Variants in INTS7 observed in about 807,000 individuals in gnomAD.
INTS7 encodes the protein chromosome 1 open reading frame 73.
INTS7 carries 46 observed loss-of-function variants against 109.2 expected under a neutral mutation model. That is an observed-to-expected ratio of 0.42 (90% CI 0.33 to 0.54). The LOEUF is 0.54. Among genes scored for constraint, INTS7 ranks in the 20% least tolerant of loss-of-function variants. The probability of loss-of-function intolerance (pLI) is 0.07; values close to 1 mark genes in which losing one functional copy is unlikely to be tolerated. For missense variants in INTS7, 929 were observed against 1,132.4 expected (o/e 0.82, Z 2.58); for synonymous variants, 412 against 402.9 (o/e 1.02, Z -0.27).
At chr1:212,018,900 C>T (rs1188212328) in intron 3 of INTS7, among the ~76,000 whole-genome samples, 1 of 152,070 alleles carries the variant, frequency 6.6e-6, no homozygotes, top group Non-Finnish European at 1.5e-5. Context: ...AAAAATGATT[C>T]ATTTAAAAAA....
intron 16 of INTS7, among the ~76,000 whole-genome samples, chr1:211,958,987 C>G: frequency 6.6e-6 from 1 of 152,078 alleles, no homozygotes; most frequent in South Asian, 2.1e-4. Flanking sequence ...TGGGAGGGAC[C>G]CCTGCATGGG....
intron 7 of INTS7, among the ~76,000 whole-genome samples, chr1:211,994,187 G>C (rs1665268622): frequency 6.6e-6 from 1 of 152,052 alleles, no homozygotes; most frequent in African/African-American, 2.4e-5. Context: ...AATAATGATG[G>C]AAGAAATAAG....
intron 7 of INTS7, among the ~76,000 whole-genome samples, chr1:212,004,921 C>T (rs61828532): frequency 0.24 from 36,615 of 152,062 alleles, 5,792 homozygotes; most frequent in Non-Finnish European, 0.35. Context: ...GATTAATGGA[C>T]GCCCTCATAC....
In INTS7 at chr1:211,959,737, C is replaced by G. The variant is rs935367156; in HGVS notation, c.2183+6693G>C. On this transcript the variant is annotated intron_variant, in intron 16 of 19. Transcript: ENST00000366994. The surrounding 1 kb of genome is among the most constrained non-coding windows in gnomAD (Gnocchi z 4.2). Reference sequence around the variant, plus strand: ...GAACAACAATGGACCTTCCCCTGCCCTAAGTGGCTACCTCCACCTACATAA... The same window carrying G: ...GAACAACAATGGACCTTCCCCTGCCGTAAGTGGCTACCTCCACCTACATAA... Among the ~76,000 whole-genome samples the G allele has an allele frequency of 2.0e-5, 3 of 152,216 alleles. No individual in the cohort carries two copies. The highest frequency in any genetic ancestry group is 7.2e-5 in the African/African-American group (3 of 41,452).
At chr1:212,007,925 G>A (rs1219368813) in intron 5 of INTS7, among the ~76,000 whole-genome samples, 1 of 152,148 alleles carries the variant, frequency 6.6e-6, no homozygotes, top group Non-Finnish European at 1.5e-5. Flanking sequence ...TGTAGTAAAT[G>A]CCTTTCTTTA....
rs1378329524 is a variant in INTS7 at position 211,954,172 on chromosome 1, G to A, written c.2184-1471C>T. 1.4e-4 allele frequency among the ~76,000 whole-genome samples: 22 copies of A among 152,294 alleles called. No homozygotes were observed. In the East Asian group the frequency reaches 3.7e-3, roughly 25 times the overall value. On this transcript the variant is annotated intron_variant, in intron 16 of 19. Transcript: ENST00000366994. Reference sequence around the variant, plus strand: ...CTAGTGATGGTGAGCATTTTTTCATGTGTTTTTTGGCTGCATAAATGTCTT... The same window carrying A: ...CTAGTGATGGTGAGCATTTTTTCATATGTTTTTTGGCTGCATAAATGTCTT...
chr1:211,998,338 A>G (rs1665504946), intron 7 of INTS7, among the ~76,000 whole-genome samples: 1 of 152,238 alleles, frequency 6.6e-6, no homozygotes, highest in Non-Finnish European at 1.5e-5. Context: ...GTTGCCATAA[A>G]ACGATGGTAA....
At chr1:212,015,086 T>G (rs1029730182) in intron 4 of INTS7, among the ~76,000 whole-genome samples, 1 of 139,516 alleles carries the variant, frequency 7.2e-6, no homozygotes, top group African/African-American at 3.2e-5. Context: ...ATCCGGGAGG[T>G]GGGGGGCGGC....
chr1:211,996,673 T>A (rs534637822), intron 7 of INTS7, among the ~76,000 whole-genome samples: 10 of 152,256 alleles, frequency 6.6e-5, no homozygotes, highest in African/African-American at 1.7e-4. Flanking sequence ...ATTAAGACCA[T>A]GAAATATTTA....
chr1:211,940,444 A>T lies in INTS7; in HGVS notation c.*1380T>A, dbSNP rs1031791234. 2.0e-5 allele frequency: 3 copies of T among 152,234 alleles called. No individual in the cohort carries two copies. The highest frequency in any genetic ancestry group is 3.8e-4 in the East Asian group (2 of 5,202). 9.4% of individuals were successfully genotyped at this position (152,234 alleles called of 1,614,324 possible). A position where few individuals can be genotyped will look rare whatever the true frequency, so the allele number is the denominator to read the frequency against. The stretch of plus-strand genomic sequence containing the variant: ...TTTATTTAAAAAGGAAATTCCAGGG[A>T]AAGTACCCTGCTTTACCTTAGGAGC... On this transcript the variant is annotated 3_prime_UTR_variant, in exon 20 of 20. Transcript: ENST00000366994.
chr1:212,028,956 C>T (rs1667041529), intron 1 of INTS7, among the ~76,000 whole-genome samples: 1 of 152,214 alleles, frequency 6.6e-6, no homozygotes, highest in Admixed American at 6.5e-5. Flanking sequence ...GTGCTAACCA[C>T]TATGCTAAAA....
At chr1:212,010,439 G>C (rs552326863) in intron 5 of INTS7, among the ~76,000 whole-genome samples, 1 of 152,272 alleles carries the variant, frequency 6.6e-6, no homozygotes, top group South Asian at 2.1e-4. Flanking sequence ...ATCTGGATTT[G>C]ATTCTAAATG....
chr1:211,990,079 G>A (rs142956760), intron 7 of INTS7, among the ~76,000 whole-genome samples: 35 of 152,148 alleles, frequency 2.3e-4, no homozygotes, highest in African/African-American at 8.2e-4. Flanking sequence ...TCTCTTTGGT[G>A]AGTCATTGGT....
intron 7 of INTS7, among the ~76,000 whole-genome samples, chr1:211,991,758 A>C (rs1054982794): frequency 6.6e-6 from 1 of 152,258 alleles, no homozygotes; most frequent in African/African-American, 2.4e-5. Context: ...AAGAAAGGCC[A>C]TAAGAATGAC....
rs530759661 is a variant in INTS7 at position 211,942,073 on chromosome 1, C to T, written c.2640G>A (p.Arg880=). 1 of 1,614,092 alleles carries T rather than the reference C, an allele frequency of 6.2e-7. No homozygotes were observed. Among genetic ancestry groups the T allele is most frequent in the East Asian group, 2.2e-5 (1 of 44,888 alleles). Residue 880 remains arginine (R), a synonymous_variant, in exon 20 of 20, where the codon AGG becomes AGA. Coordinates refer to ENST00000366994, the MANE Select transcript of INTS7 (RefSeq NM_015434.4). This position sits in a 1 kb window ranked among gnomAD's most constrained non-coding sequence, Gnocchi z 4.2. ...IDNMTNEMEQ[R]VEPHNDYFST... ...TGAAGTAATCATTATGAGGTTCAAC[C>T]CTTTGCTCCATCTCATTGGTCATGT...
rs545422466 is a variant in INTS7 at position 211,956,429 on chromosome 1, T to C, written c.2184-3728A>G. 1.2e-4 allele frequency among the ~76,000 whole-genome samples: 19 copies of C among 152,308 alleles called. 1 individual carries two copies. Among genetic ancestry groups the C allele is most frequent in the African/African-American group, 3.6e-4 (15 of 41,578 alleles). ...CCCTATTTAGTCTTAATGTATTATA[T>C]TTATATATATTGTTGGACTGAACTT... On this transcript the variant is annotated intron_variant, in intron 16 of 19. Coordinates refer to ENST00000366994, the MANE Select transcript of INTS7 (RefSeq NM_015434.4).
At position 212,019,979 on chromosome 1, in the gene INTS7, A is replaced by C. The variant is rs1666620089; in HGVS notation, c.371+143T>G. The stretch of plus-strand genomic sequence containing the variant: ...AAAGCATTTGCAGACTGGGATAGTT[A>C]TCACAGTTTTGCCTTGACTCTTAGT... On this transcript the variant is annotated intron_variant, in intron 3 of 19. Coordinates refer to ENST00000366994, the MANE Select transcript of INTS7 (RefSeq NM_015434.4). 7.6e-6 allele frequency: 4 copies of C among 528,466 alleles called. No individual in the cohort carries two copies. The Admixed American group carries it at 1.6e-4, about 21-fold the overall frequency. The allele number at this position is 528,466 out of a possible 1,614,324, so 32.7% of individuals were successfully genotyped here. A position where few individuals can be genotyped will look rare whatever the true frequency, so the allele number is the denominator to read the frequency against.
chr1:211,991,818 A>G (rs1180787252), intron 7 of INTS7, among the ~76,000 whole-genome samples: 1 of 152,214 alleles, frequency 6.6e-6, no homozygotes, highest in Non-Finnish European at 1.5e-5. Flanking sequence ...TGGAAGAAAA[A>G]GGGCAGTGAA....
In INTS7 at chr1:211,959,135, G is replaced by A. The variant is rs1413698615; in HGVS notation, c.2184-6434C>T. 1.3e-5 allele frequency among the ~76,000 whole-genome samples: 2 copies of A among 152,198 alleles called. No individual in the cohort carries two copies. Among genetic ancestry groups the A allele is most frequent in the Non-Finnish European group, 2.9e-5 (2 of 68,036 alleles). On this transcript the variant is annotated intron_variant, in intron 16 of 19. Coordinates refer to ENST00000366994, the MANE Select transcript of INTS7 (RefSeq NM_015434.4). The surrounding 1 kb of genome is among the most constrained non-coding windows in gnomAD (Gnocchi z 4.2). ...GGCACAGAGGGCTGCTTAGAGAAGT[G>A]TTAGGGGCCGTATTCTAGCCAATGC...
Sources: allele counts gnomAD v4.1 joint callset (sites outside exome capture counted in the v4.1 genomes callset), GRCh38; gene constraint gnomAD v4.1.1; non-coding constraint Gnocchi (gnomAD v3.1); transcripts MANE v1.5; gene names NCBI Gene and HGNC (gene_info 2026-07-23, HGNC 2026-07-21).